Variants in EFHB observed in about 807,000 individuals in gnomAD.
EFHB encodes the protein EF-hand domain family member B, also known as EF-hand domain-containing family member B.
Under a neutral mutation model 87.2 loss-of-function variants are expected in EFHB, and 91 were observed. The ratio of observed to expected loss-of-function variants is 1.04; its 90% CI spans 0.88 to 1.24. EFHB has a LOEUF of 1.24. Ranked by LOEUF, EFHB falls within the 50% of genes most tolerant of loss-of-function variation. The pLI, the probability that EFHB is intolerant of heterozygous loss-of-function variation, is 0.00. For missense variants in EFHB, 1,084 were observed against 998.8 expected (o/e 1.09, Z -1.15); for synonymous variants, 325 against 333.6 (o/e 0.97, Z 0.28).
intron 6 of EFHB, among the ~76,000 whole-genome samples, chr3:19,901,645 A>C (rs913606979): frequency 1.3e-5 from 2 of 152,180 alleles, no homozygotes; most frequent in African/African-American, 2.4e-5. Flanking sequence ...AAACAGAGTT[A>C]ACAATCTAAA....
chr3:19,936,289 G>T (rs945777053), upstream of EFHB: 33 of 646,924 alleles, frequency 5.1e-5, no homozygotes, highest in Non-Finnish European at 9.2e-5. Flanking sequence ...GGTCTATGCG[G>T]CAGTGAGCCA....
chr3:19,892,119 G>T (rs1694326611), intron 9 of EFHB, among the ~76,000 whole-genome samples: 2 of 152,152 alleles, frequency 1.3e-5, no homozygotes, highest in Non-Finnish European at 2.9e-5. Flanking sequence ...CAACAGTAGG[G>T]CCCATAAAGT....
intron 1 of EFHB, among the ~76,000 whole-genome samples, chr3:19,930,134 A>G (rs1383436161): frequency 6.6e-6 from 1 of 152,264 alleles, no homozygotes; most frequent in East Asian, 1.9e-4. Flanking sequence ...ATCGTGAAAC[A>G]GTAAAGTGCT....
intron 1 of EFHB, among the ~76,000 whole-genome samples, chr3:19,939,254 T>G (rs1049138371): frequency 7.9e-5 from 12 of 151,950 alleles, no homozygotes; most frequent in African/African-American, 2.9e-4. Flanking sequence ...TTGCTTGGAA[T>G]GCTTTATTCC....
upstream of EFHB, chr3:19,934,317 A>AATC: frequency 9.6e-7 from 1 of 1,036,938 alleles, no homozygotes; most frequent in Middle Eastern, 4.0e-4. Context: ...CTCTCTCTCA[A>AATC]TCTCTCTCTC....
chr3:19,931,387 TC>T (rs1173118937), intron 1 of EFHB, among the ~76,000 whole-genome samples: 2 of 152,314 alleles, frequency 1.3e-5, no homozygotes, highest in Admixed American at 1.3e-4. Context: ...GAAGCTGGTG[TC>T]TGCATGTGTG....
intron 1 of EFHB, among the ~76,000 whole-genome samples, chr3:19,931,783 C>T (rs1225550391): frequency 1.3e-5 from 2 of 152,134 alleles, no homozygotes; most frequent in Admixed American, 1.3e-4. Flanking sequence ...TATTGAATGA[C>T]CACCATAAGC....
upstream of EFHB, chr3:19,934,293 T>C: frequency 2.2e-6 from 3 of 1,340,732 alleles, no homozygotes; most frequent in Non-Finnish European, 2.9e-6. Flanking sequence ...TGCCCATCTC[T>C]CATTCTTCTC....
intron 9 of EFHB, chr3:19,894,989 A>AAAATATATATATATATATATATATAT (rs369564576): frequency 1.7e-4 from 24 of 144,522 alleles, no homozygotes; most frequent in African/African-American, 5.3e-4. Context: ...TGTCTCAAAA[A>AAAATATATATATATATATATATATAT]ATATATATAT....
intron 1 of EFHB, among the ~76,000 whole-genome samples, chr3:19,932,194 T>A (rs1379316948): frequency 6.6e-6 from 1 of 152,196 alleles, no homozygotes; most frequent in Non-Finnish European, 1.5e-5. Context: ...TCTTTCTAAC[T>A]CTACATTAAT....
At chr3:19,937,077 G>A (rs1696041994), upstream of EFHB, among the ~76,000 whole-genome samples, 1 of 151,422 alleles carries the variant, frequency 6.6e-6, no homozygotes, top group South Asian at 2.1e-4. Flanking sequence ...GCTGAGGCAG[G>A]AGAATCACTT....
intron 9 of EFHB, chr3:19,894,478 A>C (rs1445541530): frequency 6.6e-6 from 1 of 152,222 alleles, no homozygotes; most frequent in Non-Finnish European, 1.5e-5. Flanking sequence ...TAATTTCATA[A>C]GCCAAGAAGA....
rs1477669626 is a variant in EFHB, at chr3:19,884,600, C to G, written c.1949G>C (p.Cys650Ser). The change falls in exon 11 of 13, where the codon TGT becomes TCT. Residue 650 changes from cysteine to serine, a missense_variant. Cys to Ser is a moderately radical substitution (Grantham distance 112). Coordinates refer to ENST00000295824, the MANE Select transcript of EFHB (RefSeq NM_144715.4). ...RVIIKGRKPDCVNPTEANVEE... is the reference protein window; with the variant it reads ...RVIIKGRKPDSVNPTEANVEE... ...AACATTAGCCTCAGTAGGGTTTACA[C>G]AATCTGGTTTTCTACCTTTAAGGAA... 5 of 1,612,848 alleles carry G rather than the reference C, an allele frequency of 3.1e-6. No homozygotes were observed. The highest frequency in any genetic ancestry group is 4.2e-6 in the Non-Finnish European group (5 of 1,179,688).
chr3:19,934,270 T>A, upstream of EFHB: 1 of 1,401,578 alleles, frequency 7.1e-7, no homozygotes, highest in Non-Finnish European at 9.2e-7. Flanking sequence ...CAAGTCCTGC[T>A]TGGACAGATC....
intron 10 of EFHB, 44 bp from the exon 11 acceptor site, chr3:19,884,659 C>A: frequency 6.4e-7 from 1 of 1,553,870 alleles, no homozygotes; most frequent in Non-Finnish European, 8.8e-7. Context: ...GAATACATTA[C>A]TACTTAGTGC....
chr3:19,946,746 A>G (rs1696294672), intron 1 of EFHB, among the ~76,000 whole-genome samples: 1 of 152,158 alleles, frequency 6.6e-6, no homozygotes, highest in Non-Finnish European at 1.5e-5. Context: ...GGGGTTAGGG[A>G]ACCTCGCCGC....
In EFHB at chr3:19,918,303, T is replaced by A. The variant is rs748055679; in HGVS notation, c.1106A>T (p.His369Leu). The change falls in exon 4 of 13, where the codon CAC becomes CTC. Residue 369 changes from histidine (H) to leucine (L), a missense_variant. His to Leu is a moderately conservative substitution (Grantham distance 99). Coordinates refer to ENST00000295824, the MANE Select transcript of EFHB (RefSeq NM_144715.4). ...SNRRAPLGKS[H>L]DQAPGLPKGM... ...TTTTGGTAATCCTGGTGCTTGATCG[T>A]GAGATTTTCCTAATGGTGCTCGTCG... is the stretch of plus-strand genomic sequence containing the variant. 2 of 1,609,048 alleles carry A rather than the reference T, an allele frequency of 1.2e-6. No homozygotes were observed. Among genetic ancestry groups the A allele is most frequent in the Non-Finnish European group, 1.7e-6 (2 of 1,175,746 alleles).
At chr3:19,917,464 G>C (rs1695273362) in intron 4 of EFHB, among the ~76,000 whole-genome samples, 1 of 152,042 alleles carries the variant, frequency 6.6e-6, no homozygotes, top group African/African-American at 2.4e-5. Flanking sequence ...AAGGTTCCTG[G>C]AAGAGAGCCT....
chr3:19,899,627 G>A, intron 6 of EFHB, 112 bp from the exon 7 acceptor site: 1 of 631,776 alleles, frequency 1.6e-6, no homozygotes, highest in Non-Finnish European at 2.4e-6. Flanking sequence ...AGGAACAAAT[G>A]TAGTTTCAAA....
Sources: gnomAD v4.1 joint callset for allele counts (sites outside exome capture counted in the v4.1 genomes callset) on GRCh38, gnomAD v4.1.1 for gene constraint, MANE v1.5 for transcripts, NCBI Gene and HGNC (gene_info 2026-07-23, HGNC 2026-07-21) for gene names.